Variants in PPP1R12B observed in about 807,000 individuals in gnomAD.
PPP1R12B encodes protein phosphatase 1 regulatory subunit 12B, also known as myosin phosphatase target subunit 2.
PPP1R12B carries 76 observed loss-of-function variants against 126.1 expected under a neutral mutation model. The observed-to-expected ratio is 0.60, with a 90% confidence interval of 0.50 to 0.73. The LOEUF (loss-of-function observed/expected upper bound fraction) is 0.73, where lower values mean the gene tolerates loss of function less well. Ranked by LOEUF, PPP1R12B falls within the 30% of genes least tolerant of loss-of-function variation. PPP1R12B has a pLI of 0.00. For missense variants in PPP1R12B, 1,052 were observed against 1,205.1 expected, an observed-to-expected ratio of 0.87 and a Z score of 1.88; for synonymous variants, 356 against 434.7, an observed-to-expected ratio of 0.82 and a Z score of 2.25.
At chr1:202,562,719 C>T (rs1014997526) in intron 19 of PPP1R12B, 59 bp from the exon 20 acceptor site, 3 of 1,540,278 alleles carry the variant, frequency 1.9e-6, no homozygotes, top group Middle Eastern at 1.7e-4. Context: ...TGAGCATTAC[C>T]TTCTCCCCAC....
At chr1:202,455,304 T>C (rs1385374685) in intron 13 of PPP1R12B, among the ~76,000 whole-genome samples, 1 of 152,174 alleles carries the variant, frequency 6.6e-6, no homozygotes, top group Non-Finnish European at 1.5e-5. Flanking sequence ...GGAGCCATCA[T>C]CACAGTAAAT....
At chr1:202,385,796 G>T (rs1663022234) in intron 1 of PPP1R12B, among the ~76,000 whole-genome samples, 1 of 152,062 alleles carries the variant, frequency 6.6e-6, no homozygotes, top group African/African-American at 2.4e-5. Flanking sequence ...GTTTTTTTGT[G>T]TTTTTGTGTT....
At chr1:202,541,830 T>C (rs1416841502) in intron 18 of PPP1R12B, among the ~76,000 whole-genome samples, 1 of 152,160 alleles carries the variant, frequency 6.6e-6, no homozygotes, top group East Asian at 1.9e-4. Flanking sequence ...TACCCTCGTT[T>C]CACCACCCCT....
intron 18 of PPP1R12B, among the ~76,000 whole-genome samples, chr1:202,504,347 C>T (rs538803356): frequency 5.7e-4 from 86 of 152,138 alleles, no homozygotes; most frequent in African/African-American, 1.9e-3. Context: ...GAGCCAAGAT[C>T]GCACCACTGC....
chr1:202,366,675 CCTA>C (rs1659298802), intron 1 of PPP1R12B, among the ~76,000 whole-genome samples: 1 of 151,818 alleles, frequency 6.6e-6, no homozygotes, highest in African/African-American at 2.4e-5. Flanking sequence ...TTTAGGAACA[CCTA>C]ATAATACCAG....
chr1:202,370,282 A>G (rs2148445209), intron 1 of PPP1R12B: 1 of 152,856 alleles, frequency 6.5e-6, no homozygotes, highest in African/African-American at 2.4e-5. Context: ...AACTGAACAT[A>G]ATGTTTTTGA....
At chr1:202,413,966 G>A (rs1283627556) in intron 1 of PPP1R12B, among the ~76,000 whole-genome samples, 2 of 152,084 alleles carry the variant, frequency 1.3e-5, no homozygotes, top group Non-Finnish European at 2.9e-5. Context: ...CTGTGGCCCA[G>A]GCTGGAGTGC....
intron 8 of PPP1R12B, among the ~76,000 whole-genome samples, chr1:202,434,099 A>G (rs1226685265): frequency 1.3e-5 from 2 of 152,238 alleles, no homozygotes; most frequent in African/African-American, 2.4e-5. Flanking sequence ...TTACATTTGT[A>G]TAGTGCTTTT....
chr1:202,387,060 G>C (rs927491364), intron 1 of PPP1R12B, among the ~76,000 whole-genome samples: 2 of 152,208 alleles, frequency 1.3e-5, no homozygotes, highest in African/African-American at 4.8e-5. Context: ...TTTGCATGCA[G>C]TTATTGATTT....
intron 1 of PPP1R12B, among the ~76,000 whole-genome samples, chr1:202,359,033 A>G (rs950836730): frequency 6.6e-6 from 1 of 152,210 alleles, no homozygotes; most frequent in Non-Finnish European, 1.5e-5. Context: ...AGTAGAGAGA[A>G]TGGTATAATG....
chr1:202,567,784 CAAGAA>C lies in PPP1R12B; in HGVS notation c.2769_2773del (p.Glu923AspfsTer3). The C allele has an allele frequency of 2.5e-6, 4 of 1,613,984 alleles. No homozygotes were observed. Among genetic ancestry groups the C allele is most frequent in the Non-Finnish European group, 3.4e-6 (4 of 1,179,892 alleles). ...TTCCTTCCATTTGCACCAGCAGAAACAAGAAAAGACCTCTGACCGATCATCAGTGC... is the reference window on the plus strand; with the variant it reads ...TTCCTTCCATTTGCACCAGCAGAAACAAGACCTCTGACCGATCATCAGTGC... On this transcript the variant is annotated frameshift_variant, in exon 22 of 24. Transcript: ENST00000608999. LOFTEE classifies it high-confidence loss of function.
rs965571051 is a variant in PPP1R12B at position 202,584,209 on chromosome 1, G to A, written c.*3649G>A. On this transcript the variant is annotated 3_prime_UTR_variant, in exon 24 of 24. Coordinates refer to ENST00000608999, the MANE Select transcript of PPP1R12B (RefSeq NM_002481.4). ...AGAACCTCCCTGTCTTCCAACTGCAGGATGTGTTTACTTCTCTTCTGGGCT... is the reference window on the plus strand; with the variant it reads ...AGAACCTCCCTGTCTTCCAACTGCAAGATGTGTTTACTTCTCTTCTGGGCT... 6.6e-6 allele frequency: 1 copy of A among 152,210 alleles called. No homozygotes were observed. The highest frequency in any genetic ancestry group is 1.5e-5 in the Non-Finnish European group (1 of 68,068). 9.4% of individuals were successfully genotyped at this position (152,210 alleles called of 1,614,324 possible). A position where few individuals can be genotyped will look rare whatever the true frequency, so the allele number is the denominator to read the frequency against.
At chr1:202,416,523 T>C (rs774059337) in intron 1 of PPP1R12B, among the ~76,000 whole-genome samples, 302 of 76,744 alleles carry the variant, frequency 3.9e-3, no homozygotes, top group South Asian at 0.028. Context: ...TGAAACTCTG[T>C]CTAAAAAAAA....
Position 202,433,131 on chromosome 1 carries a change from G to A in PPP1R12B, c.1141+1512G>A, listed in dbSNP as rs191484036. Among the ~76,000 whole-genome samples the A allele has an allele frequency of 1.2e-4, 18 of 152,240 alleles. No homozygotes were observed. The East Asian group carries it at 3.1e-3, about 26-fold the overall frequency. On this transcript the variant is annotated intron_variant, in intron 8 of 23. Transcript: ENST00000608999. ...TTATTAATCATGCACAGTATGCTCC[G>A]GAAATGGTATTGTAGTACCTGTCAG...
chr1:202,381,164 AT>A (rs1343744957), intron 1 of PPP1R12B, among the ~76,000 whole-genome samples: 1 of 152,172 alleles, frequency 6.6e-6, no homozygotes, highest in East Asian at 1.9e-4. Flanking sequence ...GATTATTGAA[AT>A]CCCCAAAGGA....
chr1:202,411,519 A>C (rs564569069), intron 1 of PPP1R12B, among the ~76,000 whole-genome samples: 5 of 152,176 alleles, frequency 3.3e-5, no homozygotes, highest in African/African-American at 1.2e-4. Context: ...ATTTTTAACC[A>C]AACTTCTTTC....
chr1:202,572,724 T>G (rs181237085), intron 23 of PPP1R12B, among the ~76,000 whole-genome samples: 114 of 152,298 alleles, frequency 7.5e-4, no homozygotes, highest in Non-Finnish European at 1.1e-3. Context: ...CTTTCCTAGG[T>G]CCTTGCATGA....
chr1:202,482,111 G>A (rs1426677194), intron 13 of PPP1R12B, among the ~76,000 whole-genome samples: 1 of 151,750 alleles, frequency 6.6e-6, no homozygotes, highest in Non-Finnish European at 1.5e-5. Flanking sequence ...TTCCATTCTG[G>A]ATATACACAT....
intron 1 of PPP1R12B, among the ~76,000 whole-genome samples, chr1:202,376,414 A>G (rs1475705728): frequency 6.6e-6 from 1 of 152,220 alleles, no homozygotes; most frequent in East Asian, 1.9e-4. Flanking sequence ...TGCAACTGTT[A>G]GGAATAAGTG....
Sources: gnomAD v4.1 joint callset for allele counts (sites outside exome capture counted in the v4.1 genomes callset) on GRCh38, gnomAD v4.1.1 for gene constraint, MANE v1.5 for transcripts, NCBI Gene and HGNC (gene_info 2026-07-23, HGNC 2026-07-21) for gene names.